Variants in ITSN2 observed in about 807,000 individuals in gnomAD.
ITSN2 encodes intersectin 2.
In ITSN2, 156 loss-of-function variants were observed where a neutral mutation model predicts 243.7. The observed-to-expected ratio is 0.64, with a 90% CI of 0.56 to 0.73. ITSN2 has a LOEUF of 0.73. Among genes scored for constraint, ITSN2 ranks in the 30% least tolerant of loss-of-function variants. The pLI, the probability that ITSN2 is intolerant of heterozygous loss-of-function variation, is 0.00. For missense variants in ITSN2, 1,801 were observed against 1,996.1 expected, an observed-to-expected ratio of 0.90 and a Z score of 1.86; for synonymous variants, 703 against 699.9, an observed-to-expected ratio of 1.00 and a Z score of -0.07.
At chr2:24,290,944 A>T (rs920261455) in intron 15 of ITSN2, among the ~76,000 whole-genome samples, 1 of 152,146 alleles carries the variant, frequency 6.6e-6, no homozygotes, top group Non-Finnish European at 1.5e-5. Context: ...AGTTTTGCCT[A>T]ATCTTGTACA....
At chr2:24,215,649 AG>A (rs1177964633) in intron 32 of ITSN2, among the ~76,000 whole-genome samples, 1 of 148,804 alleles carries the variant, frequency 6.7e-6, no homozygotes, top group Non-Finnish European at 1.5e-5. Flanking sequence ...CCTGGGCAAC[AG>A]AGCAAGATTC....
At chr2:24,305,565 A>G (rs1324667718) in intron 8 of ITSN2, among the ~76,000 whole-genome samples, 1 of 143,528 alleles carries the variant, frequency 7.0e-6, no homozygotes, top group Non-Finnish European at 1.5e-5. Flanking sequence ...CAACAGAGCA[A>G]GACTCTGTCT....
chr2:24,260,981 G>A, intron 22 of ITSN2, 125 bp downstream of exon 22: 2 of 723,632 alleles, frequency 2.8e-6, no homozygotes, highest in Non-Finnish European at 4.3e-6. Flanking sequence ...ATGTGAATAA[G>A]AAAGAAACTG....
At chr2:24,312,420 T>C (rs1453893447) in intron 4 of ITSN2, 45 bp from the exon 5 acceptor site, 2 of 1,413,228 alleles carry the variant, frequency 1.4e-6, no homozygotes, top group Non-Finnish European at 1.9e-6. Context: ...GGTGTGGTGG[T>C]GGGAAAACTA....
intron 29 of ITSN2, among the ~76,000 whole-genome samples, chr2:24,236,697 T>TCA (rs1672199401): frequency 7.7e-6 from 1 of 130,304 alleles, no homozygotes; most frequent in Non-Finnish European, 1.6e-5. Flanking sequence ...GGACATAGGG[T>TCA]CTCATTCTGT....
At chr2:24,269,041 T>C (rs1677015031) in intron 20 of ITSN2, among the ~76,000 whole-genome samples, 1 of 139,818 alleles carries the variant, frequency 7.2e-6, no homozygotes. Flanking sequence ...CAAAGTTCCC[T>C]AACATTAAAC....
At position 24,260,991 on chromosome 2, in the gene ITSN2, G is replaced by A. The variant is rs1337103350; in HGVS notation, c.2682+115C>T. ...ATCACATGTGAATAAGAAAGAAACT[G>A]AATGCTACAAACTCTGGTTAAATGA... On this transcript the variant is annotated intron_variant, in intron 22 of 39. Transcript: ENST00000355123. The A allele has an allele frequency of 3.7e-6, 3 of 821,914 alleles. No homozygotes were observed. The African/African-American group carries it at 5.3e-5, about 15-fold the overall frequency. The allele number at this position is 821,914 out of a possible 1,614,324, so 50.9% of individuals were successfully genotyped here.
chr2:24,340,757 C>A (rs1050949530), intron 1 of ITSN2, among the ~76,000 whole-genome samples: 15 of 152,146 alleles, frequency 9.9e-5, no homozygotes, highest in Middle Eastern at 3.4e-3. Flanking sequence ...AAAAAACACA[C>A]ACACACACAC....
chr2:24,210,081 C>A, intron 34 of ITSN2, 48 bp from the exon 35 acceptor site: 1 of 1,426,616 alleles, frequency 7.0e-7, no homozygotes, highest in Non-Finnish European at 9.9e-7. Flanking sequence ...CACAAACCAT[C>A]CAGTGCCCCT....
At position 24,270,770 on chromosome 2, in the gene ITSN2, TA is replaced by T; in HGVS notation, c.2258-3del. The T allele has an allele frequency of 6.6e-7, 1 of 1,506,812 alleles. No individual in the cohort carries two copies. The highest frequency in any genetic ancestry group is 9.2e-7 in the Non-Finnish European group (1 of 1,091,914). 93.3% of individuals were successfully genotyped at this position (1,506,812 alleles called of 1,614,324 possible). On this transcript the variant is annotated splice_polypyrimidine_tract_variant and splice_region_variant and intron_variant, in intron 19 of 39. Coordinates refer to ENST00000355123, the MANE Select transcript of ITSN2 (RefSeq NM_006277.3). ...TCACCAAAACACTAGCTGTCTCACC[TA>T]AAGAGAAGACAATTGTCATTATTTG...
intron 3 of ITSN2, among the ~76,000 whole-genome samples, chr2:24,314,648 TTTAA>T (rs1319303136): frequency 2.0e-5 from 3 of 152,292 alleles, no homozygotes; most frequent in East Asian, 3.9e-4. Context: ...CAGAAAAAAG[TTTAA>T]TTAATAGAAA....
rs776075610 is a variant in ITSN2, at chr2:24,248,726, T to C, written c.3191A>G (p.Tyr1064Cys). The change falls in exon 27 of 40, where the codon TAT becomes TGT. Residue 1064 changes from tyrosine (Y) to cysteine (C), a missense_variant. This residue lies in a region of ITSN2 where 928 missense variants were observed against 1,065.4 expected (regional missense o/e 0.87). Transcript: ENST00000355123. Reference protein sequence around the residue: ...KPEIAQVTSAYVASGSEQLSL... With the variant: ...KPEIAQVTSACVASGSEQLSL... Reference sequence around the variant, plus strand: ...AAGTTGTTCAGAACCAGAAGCAACATATGCTGAAGTTACCTGAGCAATCTC... The same window carrying C: ...AAGTTGTTCAGAACCAGAAGCAACACATGCTGAAGTTACCTGAGCAATCTC... 1.9e-6 allele frequency: 3 copies of C among 1,613,522 alleles called. No individual in the cohort carries two copies. Among genetic ancestry groups the C allele is most frequent in the Non-Finnish European group, 2.5e-6 (3 of 1,179,754 alleles).
chr2:24,308,796 A>G (rs763247550), intron 7 of ITSN2, 40 bp from the exon 8 acceptor site: 6 of 1,065,446 alleles, frequency 5.6e-6, no homozygotes, highest in Non-Finnish European at 7.5e-6. Flanking sequence ...GTTACTAAAT[A>G]AAATATATTT....
At chr2:24,319,673 TCA>T (rs1684323747) in intron 2 of ITSN2, among the ~76,000 whole-genome samples, 1 of 152,168 alleles carries the variant, frequency 6.6e-6, no homozygotes, top group Non-Finnish European at 1.5e-5. Flanking sequence ...CTGGAAACCC[TCA>T]GACTTGCCAG....
In ITSN2 at chr2:24,297,344, G is replaced by A. The variant is rs192737047; in HGVS notation, c.1494+1321C>T. 9.2e-4 allele frequency among the ~76,000 whole-genome samples: 140 copies of A among 152,292 alleles called. 3 individuals are homozygous for A. In the East Asian group the frequency reaches 0.023, roughly 25 times the overall value. Reference sequence around the variant, plus strand: ...GGTAGGCTCATGGGATTCTAGGGTTGTGGCAGAATAGTGCCAGATCTTTTA... The same window carrying A: ...GGTAGGCTCATGGGATTCTAGGGTTATGGCAGAATAGTGCCAGATCTTTTA... On this transcript the variant is annotated intron_variant, in intron 13 of 39. Coordinates refer to ENST00000355123, the MANE Select transcript of ITSN2 (RefSeq NM_006277.3).
chr2:24,308,521 G>C, intron 8 of ITSN2, 96 bp downstream of exon 8: 1 of 759,044 alleles, frequency 1.3e-6, no homozygotes, highest in Non-Finnish European at 1.9e-6. Context: ...TAAAATGTCA[G>C]ATGAGCTACA....
chr2:24,293,403 C>T (rs1324275358), intron 15 of ITSN2: 3 of 203,854 alleles, frequency 1.5e-5, no homozygotes, highest in South Asian at 1.9e-4. Flanking sequence ...AAATTTATAT[C>T]TTATAGTCTA....
chr2:24,248,480 G>A, intron 27 of ITSN2, 149 bp downstream of exon 27: 1 of 560,988 alleles, frequency 1.8e-6, no homozygotes, highest in Non-Finnish European at 3.0e-6. Flanking sequence ...AGAGACTAAA[G>A]GAAATATAAT....
chr2:24,272,236 A>G (rs187862594), intron 18 of ITSN2, among the ~76,000 whole-genome samples: 3 of 152,268 alleles, frequency 2.0e-5, no homozygotes, highest in Non-Finnish European at 4.4e-5. Context: ...GAAAAAAAGA[A>G]AAAGGTTGAA....
Sources: gnomAD v4.1 joint callset for allele counts (sites outside exome capture counted in the v4.1 genomes callset) on GRCh38, gnomAD v4.1.1 for gene constraint, gnomAD v4.1.1 regional missense constraint, MANE v1.5 for transcripts, NCBI Gene and HGNC (gene_info 2026-07-23, HGNC 2026-07-21) for gene names.